The following SLC35B4 variants were observed in gnomAD, a reference collection of about 807,000 sequenced individuals.
SLC35B4 encodes solute carrier family 35 member B4.
A neutral mutation model predicts 39.5 loss-of-function variants in SLC35B4; 28 were observed. The ratio of observed to expected loss-of-function variants is 0.71; its 90% CI spans 0.53 to 0.97. The LOEUF (loss-of-function observed/expected upper bound fraction) is 0.97. Among genes scored for constraint, SLC35B4 ranks in the 50% least tolerant of loss-of-function variants. The probability of loss-of-function intolerance (pLI) is 0.00; values close to 1 mark genes in which losing one functional copy is unlikely to be tolerated. For missense variants in SLC35B4, 334 were observed against 414.3 expected (o/e 0.81, Z 1.68); for synonymous variants, 145 against 150.4 (o/e 0.96, Z 0.26).
rs987516963 is a variant in SLC35B4, at chr7:134,291,653, A to T, written c.*3180T>A. On this transcript the variant is annotated 3_prime_UTR_variant, in exon 10 of 10. Coordinates refer to ENST00000378509, the MANE Select transcript of SLC35B4 (RefSeq NM_032826.5). ...AGCACTGACCAAATCAAAATACTGC[A>T]GCGTTTCACTGTGGTTAACAGGATG... 2.0e-5 allele frequency: 3 copies of T among 152,236 alleles called. No homozygotes were observed. 9.4% of individuals were successfully genotyped at this position (152,236 alleles called of 1,614,324 possible).
chr7:134,310,168 T>C (rs1803801623), intron 1 of SLC35B4, among the ~76,000 whole-genome samples: 1 of 152,192 alleles, frequency 6.6e-6, no homozygotes, highest in African/African-American at 2.4e-5. Context: ...AACAAAAGAC[T>C]GAAAAACACT....
At position 134,294,626 on chromosome 7, in the gene SLC35B4, C is replaced by CT. The variant is rs1248938899; in HGVS notation, c.*206dup. ...GGCTGTTCAATAGTCCAGAACTGTT[C>CT]TTTTTTCTATTTTAGGGCTGAGGGG... On this transcript the variant is annotated 3_prime_UTR_variant, in exon 10 of 10. Coordinates refer to ENST00000378509, the MANE Select transcript of SLC35B4 (RefSeq NM_032826.5). The CT allele has an allele frequency of 5.3e-6, 3 of 565,332 alleles. No homozygotes were observed. Among genetic ancestry groups the CT allele is most frequent in the Non-Finnish European group, 9.3e-6 (3 of 322,424 alleles). 35.0% of individuals were successfully genotyped at this position (565,332 alleles called of 1,614,324 possible). A position where few individuals can be genotyped will look rare whatever the true frequency, so the allele number is the denominator to read the frequency against.
upstream of SLC35B4, among the ~76,000 whole-genome samples, chr7:134,317,632 C>CA (rs574719411): frequency 4.7e-3 from 710 of 152,276 alleles, 3 homozygotes; most frequent in Non-Finnish European, 8.0e-3. Context: ...CTTCTACTGG[C>CA]AAAAATGCCA....
Position 134,291,694 on chromosome 7 carries a change from C to G in SLC35B4, c.*3139G>C, listed in dbSNP as rs527805323. 2 of 152,226 alleles carry G rather than the reference C, an allele frequency of 1.3e-5. No homozygotes were observed. Among genetic ancestry groups the G allele is most frequent in the Admixed American group, 6.5e-5 (1 of 15,290 alleles). 9.4% of individuals were successfully genotyped at this position (152,226 alleles called of 1,614,324 possible). A position where few individuals can be genotyped will look rare whatever the true frequency, so the allele number is the denominator to read the frequency against. On this transcript the variant is annotated 3_prime_UTR_variant, in exon 10 of 10. Transcript: ENST00000378509. ...TAACAGGATGGAAAGGAGGAAAAAA[C>G]TAAAAACAAAGTATTTGGATTTGTC...
chr7:134,294,585 C>A lies in SLC35B4; in HGVS notation c.*248G>T, dbSNP rs1429105977. On this transcript the variant is annotated 3_prime_UTR_variant, in exon 10 of 10. Transcript: ENST00000378509. ...ATACTGAATATGTCGGTAAACAAAA[C>A]AGAAATAAATGAATGGGCTGTTCAA... The A allele has an allele frequency of 4.1e-5, 17 of 416,296 alleles. No individual in the cohort carries two copies. The highest frequency in any genetic ancestry group is 4.4e-6 in the Non-Finnish European group (1 of 228,748). The allele number at this position is 416,296 out of a possible 1,614,324, so 25.8% of individuals were successfully genotyped here.
At chr7:134,303,144 T>C (rs2544215) in intron 4 of SLC35B4, among the ~76,000 whole-genome samples, 76,815 of 151,466 alleles carry the variant, frequency 0.51, 20,032 homozygotes, top group African/African-American at 0.62. Flanking sequence ...GTTACTAATT[T>C]ACTCTGTTGG....
Position 134,292,124 on chromosome 7 carries a change from G to A in SLC35B4, c.*2709C>T, listed in dbSNP as rs182368084. 2 of 154,896 alleles carry A rather than the reference G, an allele frequency of 1.3e-5. No homozygotes were observed. Among genetic ancestry groups the A allele is most frequent in the East Asian group, 3.9e-4 (2 of 5,186 alleles). The allele number at this position is 154,896 out of a possible 1,614,324, so 9.6% of individuals were successfully genotyped here. ...GGTCTTGACCCAGAGAAAGAGGAGA[G>A]ACATTTAATAGACATTTCTCTTCCA... On this transcript the variant is annotated 3_prime_UTR_variant, in exon 10 of 10. Transcript: ENST00000378509.
intron 8 of SLC35B4, 128 bp from the exon 9 acceptor site, chr7:134,296,594 G>C (rs1803471205): frequency 1.6e-6 from 1 of 644,358 alleles, no homozygotes; most frequent in Non-Finnish European, 2.7e-6. Flanking sequence ...AATAGAATTG[G>C]ATCACGCATC....
intron 8 of SLC35B4, among the ~76,000 whole-genome samples, chr7:134,297,846 CCATTCTGGG>C (rs1262710910): frequency 6.6e-6 from 1 of 152,174 alleles, no homozygotes; most frequent in African/African-American, 2.4e-5. Flanking sequence ...GACCAATCTA[CCATTCTGGG>C]CAACAGGGAG....
intron 6 of SLC35B4, 130 bp downstream of exon 6, chr7:134,301,631 C>T (rs1388614993): frequency 1.6e-5 from 13 of 798,114 alleles, no homozygotes; most frequent in Non-Finnish European, 2.5e-5. Context: ...GAAATATGAT[C>T]CCAGGTGCCT....
chr7:134,320,042 C>T (rs1804068258), upstream of SLC35B4, among the ~76,000 whole-genome samples: 1 of 152,202 alleles, frequency 6.6e-6, no homozygotes, highest in South Asian at 2.1e-4. Flanking sequence ...TGTCCCATTG[C>T]TATTCTAAGA....
At chr7:134,307,085 T>C (rs959196258) in intron 2 of SLC35B4, among the ~76,000 whole-genome samples, 1 of 152,220 alleles carries the variant, frequency 6.6e-6, no homozygotes, top group Non-Finnish European at 1.5e-5. Context: ...TCTGAAGAAC[T>C]TGAAAATGGC....
chr7:134,316,674 C>A lies in SLC35B4; in HGVS notation c.77+1G>T, dbSNP rs548416035. 137 of 1,549,992 alleles carry A rather than the reference C, an allele frequency of 8.8e-5. No homozygotes were observed. The highest frequency in any genetic ancestry group is 5.1e-4 in the South Asian group (43 of 84,030). On this transcript the variant is annotated splice_donor_variant, in intron 1 of 9. Transcript: ENST00000378509. LOFTEE classifies it high-confidence loss of function. ...GGGTGCGGCCCGAGCGGGTCACTCA[C>A]CGGGCCAGGAGCTCTAGGAAGATCA...
chr7:134,301,060 T>A (rs1803569132), intron 6 of SLC35B4, among the ~76,000 whole-genome samples: 1 of 152,206 alleles, frequency 6.6e-6, no homozygotes, highest in South Asian at 2.1e-4. Context: ...TAATAGCACA[T>A]AAGGATCTTT....
intron 7 of SLC35B4, 145 bp downstream of exon 7, chr7:134,300,007 C>A: frequency 1.7e-6 from 1 of 590,334 alleles, no homozygotes; most frequent in Non-Finnish European, 2.9e-6. Flanking sequence ...CAGAGCATCC[C>A]ATCAAAACTG....
rs545622581 is a variant in SLC35B4, at chr7:134,313,037, A to C, written c.78-3558T>G. ...TGTTTCTATTTCTATAGAATTTAAA[A>C]ATCTCCCTAATGTACTCAAATAATT... On this transcript the variant is annotated intron_variant, in intron 1 of 9. Transcript: ENST00000378509. Among the ~76,000 whole-genome samples, 184 of 152,330 alleles carry C rather than the reference A, an allele frequency of 1.2e-3. 1 individual carries two copies. Among genetic ancestry groups the C allele is most frequent in the Middle Eastern group, 6.8e-3 (2 of 294 alleles).
At chr7:134,302,234 CT>C in intron 4 of SLC35B4, 124 bp from the exon 5 acceptor site, 1 of 782,908 alleles carries the variant, frequency 1.3e-6, no homozygotes, top group South Asian at 1.8e-5. Context: ...GACAGGATTA[CT>C]TTCCAGCAGA....
At chr7:134,299,185 G>C (rs1803526729) in intron 8 of SLC35B4, 1 of 190,164 alleles carries the variant, frequency 5.3e-6, no homozygotes, top group South Asian at 1.1e-4. Flanking sequence ...AGAGCTGGAC[G>C]GCTGCCCAAC....
rs1293959398 is a variant in SLC35B4, at chr7:134,291,802, A to C, written c.*3031T>G. Reference sequence around the variant, plus strand: ...ACGAAAAAGAAAACAAAGAATCAAAAATAAATTACTAATAAACATGAAAAA... The same window carrying C: ...ACGAAAAAGAAAACAAAGAATCAAACATAAATTACTAATAAACATGAAAAA... On this transcript the variant is annotated 3_prime_UTR_variant, in exon 10 of 10. Transcript: ENST00000378509. 1 of 152,264 alleles carries C rather than the reference A, an allele frequency of 6.6e-6. No homozygotes were observed. Among genetic ancestry groups the C allele is most frequent in the Non-Finnish European group, 1.5e-5 (1 of 68,054 alleles). 9.4% of individuals were successfully genotyped at this position (152,264 alleles called of 1,614,324 possible).
Sources: allele counts gnomAD v4.1 joint callset (sites outside exome capture counted in the v4.1 genomes callset), GRCh38; gene constraint gnomAD v4.1.1; transcripts MANE v1.5; gene names NCBI Gene and HGNC (gene_info 2026-07-23, HGNC 2026-07-21).